The following MEIS1 variants were observed in gnomAD, a reference collection of about 807,000 sequenced individuals.
The protein encoded by MEIS1 is Meis homeobox 1.
MEIS1 carries 5 observed loss-of-function variants against 50.8 expected under a neutral mutation model. The ratio of observed to expected loss-of-function variants is 0.10; its 90% CI spans 0.05 to 0.21. The LOEUF (loss-of-function observed/expected upper bound fraction) is 0.21, where lower values mean the gene tolerates loss of function less well. Among genes scored for constraint, MEIS1 ranks in the 10% least tolerant of loss-of-function variants. The probability of loss-of-function intolerance (pLI) is 1.00; values close to 1 mark genes in which losing one functional copy is unlikely to be tolerated. For synonymous variants in MEIS1, 176 were observed against 179.3 expected (o/e 0.98, Z 0.15); for missense variants, 318 against 517.3 (o/e 0.61, Z 3.74).
At chr2:66,526,960 T>G (rs1335884301) in intron 8 of MEIS1, among the ~76,000 whole-genome samples, 1 of 152,142 alleles carries the variant, frequency 6.6e-6, no homozygotes, top group Non-Finnish European at 1.5e-5. Flanking sequence ...CAGGACTTAC[T>G]TCCTGAAAGA....
intron 7 of MEIS1, among the ~76,000 whole-genome samples, chr2:66,467,905 C>A (rs1672678022): frequency 6.6e-6 from 1 of 152,156 alleles, no homozygotes; most frequent in Admixed American, 6.5e-5. Flanking sequence ...GTTGCTGTTG[C>A]TACAACATTG....
At position 66,566,180 on chromosome 2, in the gene MEIS1, A is replaced by G. The variant is rs567713603; in HGVS notation, c.966-1273A>G. Among the ~76,000 whole-genome samples the G allele has an allele frequency of 4.8e-4, 73 of 152,340 alleles. No individual in the cohort carries two copies. In the East Asian group the frequency reaches 0.013, roughly 28 times the overall value. On this transcript the variant is annotated intron_variant, in intron 9 of 12. Coordinates refer to ENST00000272369, the MANE Select transcript of MEIS1 (RefSeq NM_002398.3). The stretch of plus-strand genomic sequence containing the variant: ...AGCACAAACAGTATACCTTTTAGTT[A>G]GATTCTAGTTTCATTATTTGTTTCA...
chr2:66,515,145 A>G (rs929410131), intron 8 of MEIS1, among the ~76,000 whole-genome samples: 1 of 152,188 alleles, frequency 6.6e-6, no homozygotes, highest in Admixed American at 6.6e-5. Context: ...TTCTTGCTAG[A>G]TGTAAAAAAG....
chr2:66,538,295 G>T (rs1674567978), intron 8 of MEIS1, among the ~76,000 whole-genome samples: 1 of 152,180 alleles, frequency 6.6e-6, no homozygotes, highest in Non-Finnish European at 1.5e-5. Flanking sequence ...CTGAGCCTCA[G>T]TGTCCTCTGT....
At chr2:66,523,179 G>C (rs6728326) in intron 8 of MEIS1, among the ~76,000 whole-genome samples, 148,141 of 152,310 alleles carry the variant, frequency 0.97, 72,180 homozygotes, top group Middle Eastern at 1. Context: ...GACAGTTGCC[G>C]TTTATGTACT....
Position 66,568,776 on chromosome 2 carries a change from G to T in MEIS1, c.1114+20G>T. On this transcript the variant is annotated intron_variant, in intron 11 of 12. Transcript: ENST00000272369. ...CACCAGGTAAGACTTTGTTTTTGTG[G>T]TAGTTCCTCATTTTTGACTCCAAGA... 1 of 1,603,466 alleles carries T rather than the reference G, an allele frequency of 6.2e-7. No individual in the cohort carries two copies. The highest frequency in any genetic ancestry group is 1.1e-5 in the South Asian group (1 of 90,880).
At chr2:66,446,783 CG>C (rs1303518802) in intron 6 of MEIS1, among the ~76,000 whole-genome samples, 1 of 152,202 alleles carries the variant, frequency 6.6e-6, no homozygotes, top group Non-Finnish European at 1.5e-5. Flanking sequence ...TCCCGGGGGA[CG>C]GCCGCCGGGG....
At chr2:66,471,564 A>G (rs1416457553) in intron 7 of MEIS1, among the ~76,000 whole-genome samples, 1 of 152,198 alleles carries the variant, frequency 6.6e-6, no homozygotes, top group East Asian at 1.9e-4. Flanking sequence ...CAATTCTTTT[A>G]TTTTCCTAGA....
chr2:66,460,766 G>A (rs762606326), intron 6 of MEIS1, among the ~76,000 whole-genome samples: 18 of 151,528 alleles, frequency 1.2e-4, no homozygotes, highest in Non-Finnish European at 2.6e-4. Context: ...TGTTGTTGTT[G>A]TTCTTGTTGT....
intron 6 of MEIS1, among the ~76,000 whole-genome samples, chr2:66,462,205 A>T (rs531583599): frequency 2.0e-5 from 3 of 152,170 alleles, no homozygotes; most frequent in South Asian, 4.1e-4. Flanking sequence ...ATTAACAAAC[A>T]TGCTTCTGAT....
At chr2:66,440,457 C>G in intron 3 of MEIS1, 105 bp from the exon 4 acceptor site, 2 of 976,198 alleles carry the variant, frequency 2.0e-6, no homozygotes, top group South Asian at 2.7e-5. Context: ...CTTCCTGCCC[C>G]CGACAGTGTA....
chr2:66,499,069 C>T (rs1265900308), intron 7 of MEIS1, among the ~76,000 whole-genome samples: 2 of 152,176 alleles, frequency 1.3e-5, no homozygotes, highest in Admixed American at 6.5e-5. Flanking sequence ...AGTGGCACTA[C>T]AAATTCACAA....
intron 4 of MEIS1, chr2:66,440,945 A>C: frequency 2.7e-6 from 1 of 372,222 alleles, no homozygotes; most frequent in Non-Finnish European, 4.8e-6. Context: ...CTAGCCCTCT[A>C]AGTCCCATCA....
At chr2:66,469,467 G>A (rs2103756836) in intron 7 of MEIS1, among the ~76,000 whole-genome samples, 1 of 152,258 alleles carries the variant, frequency 6.6e-6, no homozygotes, top group South Asian at 2.1e-4. Context: ...GAGGGAGGTG[G>A]GGAAGGGCCA....
At chr2:66,514,280 T>G (rs1280389123) in intron 8 of MEIS1, among the ~76,000 whole-genome samples, 1 of 152,178 alleles carries the variant, frequency 6.6e-6, no homozygotes, top group Non-Finnish European at 1.5e-5. Context: ...TTTTCCTGTT[T>G]TTCTAGGTTG....
intron 8 of MEIS1, among the ~76,000 whole-genome samples, chr2:66,536,936 G>A (rs1674535329): frequency 6.6e-6 from 1 of 152,238 alleles, no homozygotes; most frequent in Admixed American, 6.5e-5. Context: ...TTACAAAGGG[G>A]GGAAATCATT....
In MEIS1 at chr2:66,571,272, GT is replaced by G; in HGVS notation, c.*65del. On this transcript the variant is annotated 3_prime_UTR_variant, in exon 13 of 13. Coordinates refer to ENST00000272369, the MANE Select transcript of MEIS1 (RefSeq NM_002398.3). The stretch of plus-strand genomic sequence containing the variant: ...GCTGCAAAGTATGCCAGGGGAGTAT[GT>G]AGCCCGGGGTGGTCCAATGGGTGTG... The G allele has an allele frequency of 6.3e-7, 1 of 1,593,386 alleles. No homozygotes were observed. The highest frequency in any genetic ancestry group is 8.5e-7 in the Non-Finnish European group (1 of 1,169,888).
chr2:66,483,663 C>T (rs1009459396), intron 7 of MEIS1, among the ~76,000 whole-genome samples: 10 of 152,186 alleles, frequency 6.6e-5, no homozygotes, highest in Non-Finnish European at 1.0e-4. Flanking sequence ...ATTCTTACCA[C>T]AAGGCCTTGG....
At chr2:66,511,528 G>T (rs376406213) in intron 7 of MEIS1, among the ~76,000 whole-genome samples, 156 of 152,258 alleles carry the variant, frequency 1.0e-3, no homozygotes, top group African/African-American at 3.5e-3. Flanking sequence ...CACAGTAATT[G>T]TTTTTTAATT....
Sources: gnomAD v4.1 joint callset for allele counts (sites outside exome capture counted in the v4.1 genomes callset) on GRCh38, gnomAD v4.1.1 for gene constraint, MANE v1.5 for transcripts, NCBI Gene and HGNC (gene_info 2026-07-23, HGNC 2026-07-21) for gene names.